Variants in ALG9 observed in about 807,000 individuals in gnomAD.
The protein encoded by ALG9 is alpha-1,2-mannosyltransferase ALG9.
A neutral mutation model predicts 81.8 loss-of-function variants in ALG9; 55 were observed. The ratio of observed to expected loss-of-function variants is 0.67; its 90% CI spans 0.54 to 0.84. ALG9 has a LOEUF of 0.84. ALG9 is among the 40% of genes least tolerant of loss of function. The pLI, the probability that ALG9 is intolerant of heterozygous loss-of-function variation, is 0.00. For synonymous variants in ALG9, 278 were observed against 274.3 expected (o/e 1.01, Z -0.13); for missense variants, 629 against 745.0 (o/e 0.84, Z 1.81).
chr11:111,857,562 T>G lies in ALG9; in HGVS notation c.701+40A>C, dbSNP rs375896357. On this transcript the variant is annotated intron_variant, in intron 6 of 14. Transcript: ENST00000616540. ...TAATCCAACATTAAGATTTACTATA[T>G]GCCCAGCGATATATGGGAGGAGAAC... 4 of 1,613,370 alleles carry G rather than the reference T, an allele frequency of 2.5e-6. No homozygotes were observed. The African/African-American group carries it at 5.3e-5, about 22-fold the overall frequency.
At chr11:111,773,456 G>A in the ALG9 span, among the ~76,000 whole-genome samples, 2 of 151,940 alleles carry the variant, frequency 1.3e-5, no homozygotes, top group Non-Finnish European at 2.9e-5. Context: ...TGTTCGCCAG[G>A]CTGCTCTCAA....
the ALG9 span, chr11:111,769,310 CAA>C: frequency 6.6e-3 from 460 of 69,754 alleles, 2 homozygotes; most frequent in African/African-American, 0.02. Flanking sequence ...GACCCTGTCT[CAA>C]AAAAAAAAAA....
intron 10 of ALG9, among the ~76,000 whole-genome samples, chr11:111,840,076 T>C (rs182577649): frequency 8.5e-4 from 130 of 152,302 alleles, no homozygotes; most frequent in African/African-American, 3.0e-3. Flanking sequence ...ATAGGTAAAC[T>C]GTATGGTTTG....
At chr11:111,865,479 T>A (rs1376585422) in intron 3 of ALG9, among the ~76,000 whole-genome samples, 1 of 152,218 alleles carries the variant, frequency 6.6e-6, no homozygotes, top group Non-Finnish European at 1.5e-5. Context: ...CATGAAAATG[T>A]TAATTGCAGT....
chr11:111,829,592 TA>T (rs1326960125), intron 13 of ALG9, among the ~76,000 whole-genome samples: 1 of 152,182 alleles, frequency 6.6e-6, no homozygotes, highest in African/African-American at 2.4e-5. Context: ...ACTCCAGATG[TA>T]AACAAAACTA....
intron 13 of ALG9, among the ~76,000 whole-genome samples, chr11:111,828,375 T>C (rs1555110650): frequency 1.3e-5 from 2 of 152,226 alleles, no homozygotes; most frequent in South Asian, 4.1e-4. Context: ...TAAATTTGTA[T>C]TTAATTCCTT....
chr11:111,816,172 T>G (rs1476657805), intron 13 of ALG9, among the ~76,000 whole-genome samples: 1 of 152,190 alleles, frequency 6.6e-6, no homozygotes, highest in Non-Finnish European at 1.5e-5. Context: ...ATTTGAAGGG[T>G]GATACAATTT....
Position 111,870,381 on chromosome 11 carries a change from G to GAAAAA in ALG9, c.132-12_132-11insTTTTT. The GAAAAA allele has an allele frequency of 1.7e-6, 1 of 575,892 alleles. No individual in the cohort carries two copies. The highest frequency in any genetic ancestry group is 2.1e-6 in the Non-Finnish European group (1 of 470,606). 35.7% of individuals were successfully genotyped at this position (575,892 alleles called of 1,614,324 possible). On this transcript the variant is annotated splice_polypyrimidine_tract_variant and intron_variant, in intron 1 of 14. Coordinates refer to ENST00000616540, the MANE Select transcript of ALG9 (RefSeq NM_024740.2). ...TTGTTCCCAGATAACCTGTTCAAAA[G>GAAAAA]CAAAAAAAAAAAAAAAAAAAAAAGC...
the ALG9 span, among the ~76,000 whole-genome samples, chr11:111,772,140 G>A: frequency 1.3e-5 from 2 of 152,174 alleles, no homozygotes; most frequent in African/African-American, 4.8e-5. Flanking sequence ...TAGGACAGCC[G>A]GGCAAGGTGG....
At chr11:111,779,976 T>C (rs1945839698), downstream of ALG9, among the ~76,000 whole-genome samples, 1 of 152,244 alleles carries the variant, frequency 6.6e-6, no homozygotes, top group African/African-American at 2.4e-5. Context: ...GTCAGGTCTA[T>C]GCTGAATCCA....
chr11:111,841,967 G>A (rs138526676), intron 9 of ALG9, among the ~76,000 whole-genome samples: 395 of 152,256 alleles, frequency 2.6e-3, no homozygotes, highest in African/African-American at 8.9e-3. Context: ...CACAATCTCG[G>A]CTCACTGCAA....
intron 4 of ALG9, among the ~76,000 whole-genome samples, chr11:111,863,026 T>C (rs1484563459): frequency 1.3e-5 from 2 of 152,144 alleles, no homozygotes; most frequent in African/African-American, 2.4e-5. Context: ...TCCATTTCTC[T>C]AGAGAAATTT....
chr11:111,819,275 G>T (rs909889801), intron 13 of ALG9, among the ~76,000 whole-genome samples: 2 of 152,258 alleles, frequency 1.3e-5, no homozygotes. Context: ...CAGGAAGGAT[G>T]TGAAGTTGCA....
At chr11:111,853,341 CTA>C in intron 8 of ALG9, 37 bp downstream of exon 8, 1 of 1,424,760 alleles carries the variant, frequency 7.0e-7, no homozygotes, top group Non-Finnish European at 9.9e-7. Flanking sequence ...GCAAATTAAG[CTA>C]TCTCCTAACA....
In ALG9 at chr11:111,786,091, C is replaced by T. The variant is rs886047683; in HGVS notation, c.*306G>A. 5.3e-5 allele frequency: 25 copies of T among 470,786 alleles called. No homozygotes were observed. Among genetic ancestry groups the T allele is most frequent in the African/African-American group, 1.2e-4 (6 of 50,680 alleles). The allele number at this position is 470,786 out of a possible 1,614,324, so 29.2% of individuals were successfully genotyped here. ...CCTGTAAGTTGGTTCTGCTCTTCTC[C>T]GGTCTAGTAAATAATTGAACAGAGG... is the stretch of plus-strand genomic sequence containing the variant. On this transcript the variant is annotated 3_prime_UTR_variant, in exon 15 of 15. Coordinates refer to ENST00000616540, the MANE Select transcript of ALG9 (RefSeq NM_024740.2).
intron 8 of ALG9, chr11:111,845,115 C>A: frequency 4.6e-6 from 1 of 217,912 alleles, no homozygotes. Flanking sequence ...CTCTCAAGAT[C>A]GCGCAGACCA....
chr11:111,840,433 A>G (rs975827433), intron 10 of ALG9, among the ~76,000 whole-genome samples: 6 of 152,232 alleles, frequency 3.9e-5, no homozygotes, highest in Non-Finnish European at 2.9e-5. Context: ...GAGGCAAAGT[A>G]ACACACAAAT....
intron 4 of ALG9, among the ~76,000 whole-genome samples, chr11:111,863,389 A>G (rs1961053565): frequency 6.6e-6 from 1 of 152,182 alleles, no homozygotes; most frequent in African/African-American, 2.4e-5. Flanking sequence ...GTAAATTCTC[A>G]GCTTAGGGCT....
intron 14 of ALG9, among the ~76,000 whole-genome samples, chr11:111,788,802 G>C (rs1374953582): frequency 6.6e-6 from 1 of 151,980 alleles, no homozygotes; most frequent in East Asian, 1.9e-4. Flanking sequence ...ATAAGGTGAA[G>C]GGTAAAGGGT....
Sources: allele counts gnomAD v4.1 joint callset (sites outside exome capture counted in the v4.1 genomes callset), GRCh38; gene constraint gnomAD v4.1.1; transcripts MANE v1.5; gene names NCBI Gene and HGNC (gene_info 2026-07-23, HGNC 2026-07-21).